Variants in RHBDF1 observed in about 807,000 individuals in gnomAD.
RHBDF1 encodes rhomboid 5 homolog 1, also known as inactive rhomboid protein 1.
A neutral mutation model predicts 98.6 loss-of-function variants in RHBDF1; 80 were observed. That is an observed-to-expected ratio of 0.81 (90% CI 0.68 to 0.98). RHBDF1 has a LOEUF of 0.98. Ranked by LOEUF, RHBDF1 falls within the 50% of genes least tolerant of loss-of-function variation. RHBDF1 has a pLI of 0.00. For missense variants in RHBDF1, 1,116 were observed against 1,198.3 expected, an observed-to-expected ratio of 0.93 and a Z score of 1.01; for synonymous variants, 512 against 486.8, an observed-to-expected ratio of 1.05 and a Z score of -0.68.
At chr16:73,074 C>T (rs1044744015), upstream of RHBDF1, among the ~76,000 whole-genome samples, 10 of 152,200 alleles carry the variant, frequency 6.6e-5, no homozygotes, top group Non-Finnish European at 7.3e-5. Context: ...TAAGCACTCA[C>T]ATTCCCTCAC....
At chr16:71,629 C>T (rs1461659137) in intron 1 of RHBDF1, among the ~76,000 whole-genome samples, 1 of 152,212 alleles carries the variant, frequency 6.6e-6, no homozygotes, top group Non-Finnish European at 1.5e-5. Context: ...CAGACCTAGG[C>T]CCCACCCACC....
chr16:62,400 G>T, intron 7 of RHBDF1, 138 bp downstream of exon 7: 1 of 1,162,760 alleles, frequency 8.6e-7, no homozygotes, highest in Non-Finnish European at 1.2e-6. Flanking sequence ...ACCCCTGGTG[G>T]CCCAGTGAGT....
chr16:64,896 T>C lies in RHBDF1; in HGVS notation c.117+3A>G. 6.2e-7 allele frequency: 1 copy of C among 1,610,958 alleles called. No homozygotes were observed. The highest frequency in any genetic ancestry group is 8.5e-7 in the Non-Finnish European group (1 of 1,177,860). On this transcript the variant is annotated splice_donor_region_variant and intron_variant, in intron 2 of 17. Transcript: ENST00000262316. ...CCCACAGTCCCTGCAGGCCAGGGCC[T>C]ACCTGCAGGAAGCTGGGCTCTTCTG...
chr16:60,913 A>C, intron 11 of RHBDF1: 1 of 609,492 alleles, frequency 1.6e-6, no homozygotes, highest in South Asian at 2.0e-5. Flanking sequence ...AAATCAAAAG[A>C]CCAAATCAGA....
At chr16:73,922 A>G, upstream of RHBDF1, 3 of 984,898 alleles carry the variant, frequency 3.0e-6, no homozygotes, top group Non-Finnish European at 3.6e-6. Flanking sequence ...ACTTACCGGT[A>G]GATCCCAGAG....
In RHBDF1 at chr16:59,301, C is replaced by T. The variant is rs746043361; in HGVS notation, c.1942G>A (p.Glu648Lys). ...VCGLLPFLNP[E>K]VPDQFYRLWL... ...AGGCGGTAGAACTGGTCAGGCACCT[C>T]GGGGTTGAGAAAAGGCAGGAGCCCA... Residue 648 changes from glutamate (E) to lysine (K), a missense_variant, in exon 16 of 18, where the codon GAG (glutamate) becomes AAG (lysine). By Grantham distance (56) the Glu-to-Lys change is moderately conservative. Transcript: ENST00000262316. The T allele has an allele frequency of 2.0e-5, 32 of 1,611,526 alleles. No homozygotes were observed. Among genetic ancestry groups the T allele is most frequent in the Non-Finnish European group, 2.5e-5 (30 of 1,178,780 alleles).
At chr16:66,821 C>T (rs540959415) in intron 1 of RHBDF1, among the ~76,000 whole-genome samples, 6 of 152,222 alleles carry the variant, frequency 3.9e-5, no homozygotes, top group Non-Finnish European at 8.8e-5. Flanking sequence ...GCAGCAACTC[C>T]ACATCACTGG....
chr16:59,455 C>T lies in RHBDF1; in HGVS notation c.1857G>A (p.Arg619=), dbSNP rs1020914033. Residue 619 remains arginine, a synonymous_variant, in exon 15 of 18, where the codon AGG becomes AGA. Transcript: ENST00000262316. The part of the protein sequence containing the change: ...ITSREYCDFM[R]GYFHEEATLC... ...GCGTGGCCTCCTCATGGAAGTAGCC[C>T]CTCATGAAGTCACAGTACTCCCGGG... The T allele has an allele frequency of 1.2e-6, 2 of 1,613,654 alleles. No individual in the cohort carries two copies. The highest frequency in any genetic ancestry group is 1.7e-6 in the Non-Finnish European group (2 of 1,180,000).
upstream of RHBDF1, chr16:73,906 T>C (rs979164534): frequency 1.0e-6 from 1 of 983,052 alleles, no homozygotes; most frequent in African/African-American, 1.7e-5. Flanking sequence ...CTAAAGGTGC[T>C]GGTACACTTA....
chr16:65,855 C>T (rs1486142741), intron 1 of RHBDF1, among the ~76,000 whole-genome samples: 2 of 152,244 alleles, frequency 1.3e-5, no homozygotes, highest in African/African-American at 4.8e-5. Context: ...CACCAGGTGA[C>T]GCCACGCGCC....
rs774481986 is a variant in RHBDF1 at position 58,305 on chromosome 16, G to A, written c.*35C>T. The A allele has an allele frequency of 1.3e-6, 2 of 1,587,378 alleles. No individual in the cohort carries two copies. Among genetic ancestry groups the A allele is most frequent in the African/African-American group, 1.3e-5 (1 of 74,584 alleles). On this transcript the variant is annotated 3_prime_UTR_variant, in exon 18 of 18. Transcript: ENST00000262316. ...GGGAGGTCGTGTCTGGCTCTGGCCT[G>A]CTGGAGCACACGGCCGCTGGAGCCC...
intron 1 of RHBDF1, 134 bp downstream of exon 1, chr16:72,379 C>T: frequency 6.4e-6 from 2 of 314,684 alleles, no homozygotes; most frequent in Non-Finnish European, 9.2e-6. Context: ...CCGGCCCCGG[C>T]CCCGGCCCCG....
At position 60,420 on chromosome 16, in the gene RHBDF1, A is replaced by G. The variant is rs954234311; in HGVS notation, c.1658+19T>C. 1.9e-6 allele frequency: 3 copies of G among 1,608,950 alleles called. No individual in the cohort carries two copies. Among genetic ancestry groups the G allele is most frequent in the Admixed American group, 3.3e-5 (2 of 60,014 alleles). On this transcript the variant is annotated intron_variant, in intron 12 of 17. Transcript: ENST00000262316. ...AGGTGTGGACAAAGGCAGGTGAGAGAGCTGCCGGCAGGACTAACCTGGGAT... is the reference window on the plus strand; with the variant it reads ...AGGTGTGGACAAAGGCAGGTGAGAGGGCTGCCGGCAGGACTAACCTGGGAT...
chr16:72,595 C>G lies in RHBDF1; in HGVS notation c.-107G>C, dbSNP rs1173033540. On this transcript the variant is annotated 5_prime_UTR_variant, in exon 1 of 18. Transcript: ENST00000262316. ...CTGGCCGGGAGGGCCCGCGCCGAGT[C>G]CCCGCCCGCCCGCCGGTCCGGCCCG... 72 of 972,424 alleles carry G rather than the reference C, an allele frequency of 7.4e-5. No individual in the cohort carries two copies. Among genetic ancestry groups the G allele is most frequent in the Non-Finnish European group, 8.6e-5 (71 of 822,860 alleles). The allele number at this position is 972,424 out of a possible 1,614,324, so 60.2% of individuals were successfully genotyped here. A position where few individuals can be genotyped will look rare whatever the true frequency, so the allele number is the denominator to read the frequency against.
rs755574409 is a variant in RHBDF1 at position 62,866 on chromosome 16, C to G, written c.704G>C (p.Arg235Pro). 1.4e-5 allele frequency: 22 copies of G among 1,613,790 alleles called. No individual in the cohort carries two copies. Among genetic ancestry groups the G allele is most frequent in the Non-Finnish European group, 1.7e-5 (20 of 1,179,976 alleles). The change falls in exon 6 of 18, where the codon CGG becomes CCG. Residue 235 changes from arginine (R) to proline (P), a missense_variant. By Grantham distance (103) the Arg-to-Pro change is moderately radical. Transcript: ENST00000262316. ...GRSVRDGTFR[R>P]AQRRSFTPAS... ...TGGAGTGAAGCTTCGACGCTGTGCCCGGCGAAAGGTGCCATCCCTAACGGA... is the reference window on the plus strand; with the variant it reads ...TGGAGTGAAGCTTCGACGCTGTGCCGGGCGAAAGGTGCCATCCCTAACGGA...
At position 58,462 on chromosome 16, in the gene RHBDF1, C is replaced by A; in HGVS notation, c.2446G>T (p.Ala816Ser). 6.2e-7 allele frequency: 1 copy of A among 1,614,102 alleles called. No individual in the cohort carries two copies. Residue 816 changes from alanine to serine, a missense_variant, in exon 18 of 18, where the codon GCT becomes TCT. By Grantham distance (99) the Ala-to-Ser change is moderately conservative (BLOSUM62 1). Coordinates refer to ENST00000262316, the MANE Select transcript of RHBDF1 (RefSeq NM_022450.5). ...IFQVVFLGLL[A>S]GLVVLFYVYP... The stretch of plus-strand genomic sequence containing the variant: ...ACGTAGAAGAGGACCACCAGGCCAG[C>A]CAGGAGGCCCAGGAAGACCACCTGA...
rs1897451578 is a variant in RHBDF1, at chr16:58,059, T to A, written c.*281A>T. On this transcript the variant is annotated 3_prime_UTR_variant, in exon 18 of 18. Coordinates refer to ENST00000262316, the MANE Select transcript of RHBDF1 (RefSeq NM_022450.5). ...ACAAAGAAGGATAGGGAAGCCCTGGTCAAGTTAATGGCAGCTAAAACGCTC... is the reference window on the plus strand; with the variant it reads ...ACAAAGAAGGATAGGGAAGCCCTGGACAAGTTAATGGCAGCTAAAACGCTC... 3 of 354,136 alleles carry A rather than the reference T, an allele frequency of 8.5e-6. No individual in the cohort carries two copies. The Admixed American group carries it at 1.3e-4, about 16-fold the overall frequency. 21.9% of individuals were successfully genotyped at this position (354,136 alleles called of 1,614,324 possible). A position where few individuals can be genotyped will look rare whatever the true frequency, so the allele number is the denominator to read the frequency against.
intron 11 of RHBDF1, 76 bp downstream of exon 11, chr16:61,042 ACT>A: frequency 7.0e-7 from 1 of 1,436,666 alleles, no homozygotes; most frequent in South Asian, 1.3e-5. Context: ...GCGAAGGATC[ACT>A]CTGCCGAGTC....
At chr16:60,728 C>G (rs1897578844) in intron 11 of RHBDF1, 189 bp from the exon 12 acceptor site, 7 of 585,620 alleles carry the variant, frequency 1.2e-5, no homozygotes, top group Non-Finnish European at 2.1e-5. Flanking sequence ...TTCCTGTTAG[C>G]TGAAAATCAG....
Sources: allele counts gnomAD v4.1 joint callset (sites outside exome capture counted in the v4.1 genomes callset), GRCh38; gene constraint gnomAD v4.1.1; transcripts MANE v1.5; gene names NCBI Gene and HGNC (gene_info 2026-07-23, HGNC 2026-07-21).